Variants in DENND1A observed in about 807,000 individuals in gnomAD.
DENND1A encodes DENN domain containing 1A.
In DENND1A, 51 loss-of-function variants were observed where a neutral mutation model predicts 113.7. The ratio of observed to expected loss-of-function variants is 0.45; its 90% CI spans 0.36 to 0.57. The LOEUF is 0.57. Among genes scored for constraint, DENND1A ranks in the 20% least tolerant of loss-of-function variants. The pLI is 0.00. For missense variants in DENND1A, 1,258 were observed against 1,395.9 expected, an observed-to-expected ratio of 0.90 and a Z score of 1.57; for synonymous variants, 565 against 570.8, an observed-to-expected ratio of 0.99 and a Z score of 0.14.
At chr9:123,634,300 G>A (rs1435774308) in intron 9 of DENND1A, among the ~76,000 whole-genome samples, 2 of 152,116 alleles carry the variant, frequency 1.3e-5, no homozygotes, top group Non-Finnish European at 2.9e-5. Context: ...TCTGCAATCG[G>A]GGTAAAATGC....
intron 5 of DENND1A, among the ~76,000 whole-genome samples, chr9:123,748,264 C>A (rs1027010702): frequency 3.3e-5 from 5 of 152,176 alleles, no homozygotes; most frequent in Non-Finnish European, 7.3e-5. Context: ...GAAGGAAACA[C>A]CCTTAGTCAT....
At chr9:123,734,703 C>T (rs891216181) in intron 5 of DENND1A, among the ~76,000 whole-genome samples, 1 of 152,112 alleles carries the variant, frequency 6.6e-6, no homozygotes, top group African/African-American at 2.4e-5. Context: ...TGCGGGACTG[C>T]TGTGAAGAGT....
At chr9:123,761,520 T>C (rs2071037466) in intron 4 of DENND1A, among the ~76,000 whole-genome samples, 1 of 152,216 alleles carries the variant, frequency 6.6e-6, no homozygotes, top group Non-Finnish European at 1.5e-5. Flanking sequence ...GCCTGTTGCA[T>C]ATTTTTCAGG....
chr9:123,703,490 A>G (rs2065999188), intron 5 of DENND1A, among the ~76,000 whole-genome samples: 1 of 152,198 alleles, frequency 6.6e-6, no homozygotes, highest in African/African-American at 2.4e-5. Context: ...AAAAACTATA[A>G]TAGATACACT....
At chr9:123,389,752 AAAGT>A (rs2042743757) in intron 21 of DENND1A, among the ~76,000 whole-genome samples, 1 of 152,230 alleles carries the variant, frequency 6.6e-6, no homozygotes, top group African/African-American at 2.4e-5. Context: ...GACTTGTTTC[AAAGT>A]GAGGGGGAGC....
At chr9:123,813,864 T>C (rs2132490888) in intron 2 of DENND1A, among the ~76,000 whole-genome samples, 1 of 152,322 alleles carries the variant, frequency 6.6e-6, no homozygotes, top group Non-Finnish European at 1.5e-5. Flanking sequence ...TTTCCACTCC[T>C]TTCCAAAACT....
At chr9:123,852,446 T>C (rs1020101248) in intron 2 of DENND1A, among the ~76,000 whole-genome samples, 3 of 152,206 alleles carry the variant, frequency 2.0e-5, no homozygotes, top group Non-Finnish European at 2.9e-5. Flanking sequence ...CCAAATAATG[T>C]ATGGCTACTG....
intron 12 of DENND1A, among the ~76,000 whole-genome samples, chr9:123,574,136 G>T (rs1471567863): frequency 6.3e-5 from 8 of 127,268 alleles, no homozygotes; most frequent in African/African-American, 1.5e-4. Context: ...ATAATATATT[G>T]TTAAAGATTT....
At chr9:123,416,625 G>C (rs529255281) in intron 19 of DENND1A, among the ~76,000 whole-genome samples, 1 of 152,352 alleles carries the variant, frequency 6.6e-6, no homozygotes, top group African/African-American at 2.4e-5. Context: ...TTTTGCTAAG[G>C]AGAGTTCAAT....
intron 2 of DENND1A, among the ~76,000 whole-genome samples, chr9:123,830,892 A>C (rs1840102409): frequency 6.7e-6 from 1 of 150,358 alleles, no homozygotes; most frequent in Non-Finnish European, 1.5e-5. Flanking sequence ...AAAAAAAAAA[A>C]AAAAAAAACC....
At position 123,457,685 on chromosome 9, in the gene DENND1A, T is replaced by TG. The variant is rs1341531300; in HGVS notation, c.1098+107dup. 9.1e-6 allele frequency: 10 copies of TG among 1,094,324 alleles called. No individual in the cohort carries two copies. The East Asian group carries it at 2.6e-4, about 28-fold the overall frequency. The allele number at this position is 1,094,324 out of a possible 1,614,324, so 67.8% of individuals were successfully genotyped here. A position where few individuals can be genotyped will look rare whatever the true frequency, so the allele number is the denominator to read the frequency against. ...CCCCCTCCCCTGAGCCTCTTTTGCC[T>TG]GGGGCCTGAGTCCCATCCATGCCTG... On this transcript the variant is annotated intron_variant, in intron 14 of 23. Transcript: ENST00000394215.
chr9:123,550,831 T>C (rs1418388764), intron 13 of DENND1A, among the ~76,000 whole-genome samples: 5 of 152,204 alleles, frequency 3.3e-5, no homozygotes, highest in Non-Finnish European at 2.9e-5. Context: ...CCTCCAAAAG[T>C]TGCAATCTTC....
At chr9:123,698,241 G>T (rs913663343) in intron 5 of DENND1A, among the ~76,000 whole-genome samples, 7 of 152,180 alleles carry the variant, frequency 4.6e-5, no homozygotes, top group African/African-American at 1.7e-4. Flanking sequence ...CTTGCTTAAA[G>T]ATCAGTGTGT....
At chr9:123,551,160 C>T (rs1184036364) in intron 13 of DENND1A, among the ~76,000 whole-genome samples, 1 of 152,210 alleles carries the variant, frequency 6.6e-6, no homozygotes, top group African/African-American at 2.4e-5. Flanking sequence ...GGCTTTGCAT[C>T]TGATTTTCTC....
intron 19 of DENND1A, among the ~76,000 whole-genome samples, chr9:123,420,777 T>G (rs1280776566): frequency 6.7e-6 from 1 of 149,052 alleles, no homozygotes; most frequent in Non-Finnish European, 1.5e-5. Context: ...GAAGTTCACA[T>G]GCTGAACAAA....
intron 13 of DENND1A, among the ~76,000 whole-genome samples, chr9:123,465,159 C>A (rs2048838952): frequency 1.3e-5 from 2 of 149,960 alleles, no homozygotes. Flanking sequence ...CCAGCCTGGG[C>A]AACAGAGCAA....
At chr9:123,499,487 A>G (rs2052274415) in intron 13 of DENND1A, among the ~76,000 whole-genome samples, 1 of 152,224 alleles carries the variant, frequency 6.6e-6, no homozygotes, top group Non-Finnish European at 1.5e-5. Context: ...GCCCTTGCTG[A>G]GCACCAGGCA....
In DENND1A at chr9:123,411,849, T is replaced by C; in HGVS notation, c.1489-20A>G. On this transcript the variant is annotated intron_variant, in intron 19 of 23. Transcript: ENST00000394215. ...CTGCAGCTGCATTAAAGTGGAAACTTACAACATCAGGACACACTGAGAAGG... is the reference window on the plus strand; with the variant it reads ...CTGCAGCTGCATTAAAGTGGAAACTCACAACATCAGGACACACTGAGAAGG... The C allele has an allele frequency of 1.0e-6, 1 of 985,644 alleles. No individual in the cohort carries two copies. Among genetic ancestry groups the C allele is most frequent in the Non-Finnish European group, 1.2e-6 (1 of 829,944 alleles). 61.1% of individuals were successfully genotyped at this position (985,644 alleles called of 1,614,324 possible).
chr9:123,475,733 C>T (rs774169529), intron 13 of DENND1A, among the ~76,000 whole-genome samples: 11 of 152,342 alleles, frequency 7.2e-5, no homozygotes, highest in Middle Eastern at 6.8e-3. Context: ...GGCTTCGTGT[C>T]GCCCAACAGA....
Sources: gnomAD v4.1 joint callset for allele counts (sites outside exome capture counted in the v4.1 genomes callset) on GRCh38, gnomAD v4.1.1 for gene constraint, MANE v1.5 for transcripts, NCBI Gene and HGNC (gene_info 2026-07-23, HGNC 2026-07-21) for gene names.